The following ADAM11 variants were observed in gnomAD, a reference collection of about 807,000 sequenced individuals.
ADAM11 encodes ADAM metallopeptidase domain 11.
A neutral mutation model predicts 119.1 loss-of-function variants in ADAM11; 49 were observed. The observed-to-expected ratio is 0.41, with a 90% confidence interval of 0.33 to 0.52. The LOEUF (loss-of-function observed/expected upper bound fraction) is 0.52, where lower values mean the gene tolerates loss of function less well. Among genes scored for constraint, ADAM11 ranks in the 20% least tolerant of loss-of-function variants. The pLI is 0.20. For missense variants in ADAM11, 777 were observed against 1,047.5 expected (o/e 0.74, Z 3.56); for synonymous variants, 364 against 408.0 (o/e 0.89, Z 1.30).
chr17:44,759,221 G>C lies in ADAM11; in HGVS notation c.22G>C (p.Ala8Pro). ...AGCCATGAGGCTGCTGCGGCGCTGG[G>C]CGTTCGCGGCTCTGCTGCTGTCGCT... MRLLRRW[A>P]FAALLLSLLP... Residue 8 changes from alanine (A) to proline (P), a missense_variant, in exon 1 of 27, where the codon GCG (alanine) becomes CCG (proline). Physicochemically the swap from Ala to Pro is conservative, Grantham distance 27. Coordinates refer to ENST00000200557, the MANE Select transcript of ADAM11 (RefSeq NM_002390.6). 1 of 1,438,988 alleles carries C rather than the reference G, an allele frequency of 6.9e-7. No homozygotes were observed. The highest frequency in any genetic ancestry group is 9.1e-7 in the Non-Finnish European group (1 of 1,097,960). The allele number at this position is 1,438,988 out of a possible 1,614,324, so 89.1% of individuals were successfully genotyped here.
In ADAM11 at chr17:44,773,208, G is replaced by GTT. The variant is rs1364839223; in HGVS notation, c.826-53_826-52insTT. 1 of 1,591,456 alleles carries GTT rather than the reference G, an allele frequency of 6.3e-7. No homozygotes were observed. Among genetic ancestry groups the GTT allele is most frequent in the Non-Finnish European group, 8.6e-7 (1 of 1,165,516 alleles). ...GAGAGAACAGACAGGCCCTCCTCCA[G>GTT]CCCTGGCCCCAACACCCACTCCCAC... On this transcript the variant is annotated intron_variant, in intron 10 of 26. Transcript: ENST00000200557. The surrounding 1 kb of genome is among the most constrained non-coding windows in gnomAD (Gnocchi z 4.6).
intron 2 of ADAM11, among the ~76,000 whole-genome samples, chr17:44,765,610 C>CTTTTTTTTTTTTTTTTTTTTT (rs748123040): frequency 4.0e-5 from 4 of 99,876 alleles, no homozygotes; most frequent in Non-Finnish European, 7.3e-5. Flanking sequence ...TTTCTTTTCT[C>CTTTTTTTTTTTTTTTTTTTTT]TTTTTTTTTT....
chr17:44,779,319 C>T (rs1016643889), intron 26 of ADAM11, 80 bp downstream of exon 26: 19 of 1,504,484 alleles, frequency 1.3e-5, no homozygotes, highest in African/African-American at 2.9e-5. Flanking sequence ...CCATCTCATT[C>T]GTCACCCCGC....
At chr17:44,770,847 C>T (rs889375859) in intron 4 of ADAM11, among the ~76,000 whole-genome samples, 13 of 152,324 alleles carry the variant, frequency 8.5e-5, no homozygotes, top group South Asian at 2.1e-4. Flanking sequence ...CCTTGCTGTA[C>T]GCTGGGCTCC....
intron 26 of ADAM11, 140 bp downstream of exon 26, chr17:44,779,379 C>T: frequency 1.4e-6 from 2 of 1,458,828 alleles, no homozygotes; most frequent in South Asian, 3.0e-5. Flanking sequence ...TGCTGCCAGG[C>T]TGTCCCGGCA....
chr17:44,772,210 A>G lies in ADAM11; in HGVS notation c.544-57A>G, dbSNP rs1017625618. 6.6e-7 allele frequency: 1 copy of G among 1,514,066 alleles called. No individual in the cohort carries two copies. The highest frequency in any genetic ancestry group is 1.2e-5 in the South Asian group (1 of 84,132). The allele number at this position is 1,514,066 out of a possible 1,614,324, so 93.8% of individuals were successfully genotyped here. ...CGAGGGCTGGATCTGGCCCCCGCCA[A>G]GTGGGCCTGGAGCAGGCCCAGTTGG... On this transcript the variant is annotated intron_variant, in intron 6 of 26. Coordinates refer to ENST00000200557, the MANE Select transcript of ADAM11 (RefSeq NM_002390.6). The surrounding 1 kb of genome is among the most constrained non-coding windows in gnomAD (Gnocchi z 4.5).
At chr17:44,767,632 G>T (rs1428792469) in intron 2 of ADAM11, among the ~76,000 whole-genome samples, 1 of 152,186 alleles carries the variant, frequency 6.6e-6, no homozygotes, top group South Asian at 2.1e-4. Flanking sequence ...CCCCTCCTGG[G>T]CCACCTCCAG....
Position 44,778,506 on chromosome 17 carries a change from A to G in ADAM11, c.2276+264A>G, listed in dbSNP as rs374875096. 3.9e-5 allele frequency among the ~76,000 whole-genome samples: 6 copies of G among 152,110 alleles called. 1 individual carries two copies. Among genetic ancestry groups the G allele is most frequent in the African/African-American group, 1.4e-4 (6 of 41,412 alleles). On this transcript the variant is annotated intron_variant, in intron 25 of 26. Transcript: ENST00000200557. ...CAGGAATTCAAGACCAGTCTGGCCA[A>G]CATGGTGAAACCCCGTCTCTATTAA...
Position 44,775,464 on chromosome 17 carries a change from A to T in ADAM11, c.1391A>T (p.Gln464Leu). 1.2e-6 allele frequency: 2 copies of T among 1,606,290 alleles called. No homozygotes were observed. Among genetic ancestry groups the T allele is most frequent in the Non-Finnish European group, 1.7e-6 (2 of 1,178,770 alleles). The change falls in exon 16 of 27, where the codon CAG becomes CTG. Residue 464 changes from glutamine to leucine, a missense_variant and splice_region_variant. By Grantham distance (113) the Gln-to-Leu change is moderately radical. Coordinates refer to ENST00000200557, the MANE Select transcript of ADAM11 (RefSeq NM_002390.6). The surrounding 1 kb of genome is among the most constrained non-coding windows in gnomAD (Gnocchi z 7.5). The part of the protein sequence containing the change: ...AGEECDCGSV[Q>L]ECSRAGGNCC... ...GAGGAGTGCGACTGCGGCTCGGTGC[A>T]GGTGAGCGGTGGTGCGGGCGCCAGG... is the stretch of plus-strand genomic sequence containing the variant.
intron 2 of ADAM11, among the ~76,000 whole-genome samples, chr17:44,765,011 G>A (rs2049430060): frequency 6.6e-6 from 1 of 152,104 alleles, no homozygotes; most frequent in Non-Finnish European, 1.5e-5. Flanking sequence ...CAACCTCCTG[G>A]CTGCCTAGAG....
rs1197076453 is a variant in ADAM11 at position 44,772,975 on chromosome 17, T to G, written c.754-39T>G. ...ACAGGGCGTGACACTGGGAGGCCCC[T>G]GAGGAGCCTGGCCCTCCTCCCATTC... On this transcript the variant is annotated intron_variant, in intron 9 of 26. Transcript: ENST00000200557. The surrounding 1 kb of genome is among the most constrained non-coding windows in gnomAD (Gnocchi z 4.5). 6.2e-7 allele frequency: 1 copy of G among 1,613,736 alleles called. No homozygotes were observed. Among genetic ancestry groups the G allele is most frequent in the Non-Finnish European group, 8.5e-7 (1 of 1,179,830 alleles).
chr17:44,760,713 AC>A (rs1303246852), intron 2 of ADAM11, among the ~76,000 whole-genome samples: 3 of 152,106 alleles, frequency 2.0e-5, no homozygotes, highest in Non-Finnish European at 4.4e-5. Flanking sequence ...GAAGAGGGGT[AC>A]AACTGAGGCC....
chr17:44,772,315 C>T lies in ADAM11; in HGVS notation c.592C>T (p.Leu198Phe). 1 of 1,592,832 alleles carries T rather than the reference C, an allele frequency of 6.3e-7. No individual in the cohort carries two copies. The highest frequency in any genetic ancestry group is 2.3e-5 in the East Asian group (1 of 43,812). ...IYRTPLLPDP[L>F]GCREPGCLFA... Reference sequence around the variant, plus strand: ...CCGGACCCCTCTCCTCCCAGATCCCCTCGGATGCAGGGAACCAGGTAAGGG... The same window carrying T: ...CCGGACCCCTCTCCTCCCAGATCCCTTCGGATGCAGGGAACCAGGTAAGGG... Residue 198 changes from leucine to phenylalanine, a missense_variant, in exon 7 of 27, where the codon CTC (leucine) becomes TTC (phenylalanine). This residue lies in a region of ADAM11 where 278 missense variants were observed against 310.1 expected (regional missense o/e 0.90). Coordinates refer to ENST00000200557, the MANE Select transcript of ADAM11 (RefSeq NM_002390.6). This position sits in a 1 kb window ranked among gnomAD's most constrained non-coding sequence, Gnocchi z 4.5.
At chr17:44,779,684 G>C (rs1258753455) in intron 26 of ADAM11, 55 bp from the exon 27 acceptor site, 7 of 1,561,096 alleles carry the variant, frequency 4.5e-6, no homozygotes, top group Non-Finnish European at 5.2e-6. Context: ...CTGCTGGGGG[G>C]CTCTCCCCGT....
chr17:44,774,250 A>T, intron 11 of ADAM11, 45 bp from the exon 12 acceptor site: 1 of 1,324,710 alleles, frequency 7.5e-7, no homozygotes, highest in Non-Finnish European at 1.0e-6. Flanking sequence ...CCGGGGAGCC[A>T]CAGGGGAGGG....
chr17:44,771,688 C>A lies in ADAM11; in HGVS notation c.467+19C>A, dbSNP rs202093736. ...GGCTGCAGTGAGTATGGGGAGGGGC[C>A]GGGCAGCTGGGAGAAGCCTCTGGCC... On this transcript the variant is annotated intron_variant, in intron 5 of 26. Transcript: ENST00000200557. 5.0e-6 allele frequency: 8 copies of A among 1,612,334 alleles called. No homozygotes were observed. Among genetic ancestry groups the A allele is most frequent in the East Asian group, 2.2e-5 (1 of 44,854 alleles).
rs56690757 is a variant in ADAM11, at chr17:44,762,969, C to CAAAA, written c.237+3086_237+3089dup. Among the ~76,000 whole-genome samples the CAAAA allele has an allele frequency of 1.5e-3, 193 of 130,770 alleles. 1 individual carries two copies. The highest frequency in any genetic ancestry group is 5.2e-3 in the African/African-American group (183 of 35,464). The allele number at this position is 130,770 out of a possible 152,430, so 85.8% of individuals were successfully genotyped here. ...ACCATAGTGAGACTCCCGTCTCTAC[C>CAAAA]AAAAAAAAAAAAAAAAATTACCCAA... On this transcript the variant is annotated intron_variant, in intron 2 of 26. Transcript: ENST00000200557.
In ADAM11 at chr17:44,767,979, A is replaced by G. The variant is rs536714689; in HGVS notation, c.238-1739A>G. Among the ~76,000 whole-genome samples the G allele has an allele frequency of 2.8e-4, 43 of 152,222 alleles. 1 individual carries two copies. The highest frequency in any genetic ancestry group is 1.0e-3 in the African/African-American group (42 of 41,520). On this transcript the variant is annotated intron_variant, in intron 2 of 26. Transcript: ENST00000200557. ...CCAGGATGGTACCAATACGTAGCCA[A>G]CCTCCTGGCCTCGCATCTGGGCTCA...
In ADAM11 at chr17:44,775,202, C is replaced by T; in HGVS notation, c.1221-10C>T. The T allele has an allele frequency of 6.2e-7, 1 of 1,609,418 alleles. No individual in the cohort carries two copies. Among genetic ancestry groups the T allele is most frequent in the Non-Finnish European group, 8.5e-7 (1 of 1,176,210 alleles). ...GAGCAGCCAGCAGCACCTCCCCTCGCCCTATCCAGGTTCTACCTGCCCCGC... is the reference window on the plus strand; with the variant it reads ...GAGCAGCCAGCAGCACCTCCCCTCGTCCTATCCAGGTTCTACCTGCCCCGC... On this transcript the variant is annotated splice_polypyrimidine_tract_variant and intron_variant, in intron 14 of 26. Coordinates refer to ENST00000200557, the MANE Select transcript of ADAM11 (RefSeq NM_002390.6). The surrounding 1 kb of genome is among the most constrained non-coding windows in gnomAD (Gnocchi z 7.5).
Sources: allele counts gnomAD v4.1 joint callset (sites outside exome capture counted in the v4.1 genomes callset), GRCh38; gene constraint gnomAD v4.1.1; regional missense constraint gnomAD v4.1.1; non-coding constraint Gnocchi (gnomAD v3.1); transcripts MANE v1.5; gene names NCBI Gene and HGNC (gene_info 2026-07-23, HGNC 2026-07-21).